Variants in MICU1 observed in about 807,000 individuals in gnomAD.
MICU1 encodes mitochondrial calcium uptake 1.
MICU1 carries 45 observed loss-of-function variants against 56.8 expected under a neutral mutation model. The ratio of observed to expected loss-of-function variants is 0.79; its 90% CI spans 0.62 to 1.02. MICU1 has a LOEUF of 1.02. Among genes scored for constraint, MICU1 ranks in the 50% least tolerant of loss-of-function variants. MICU1 has a pLI of 0.00. For missense variants in MICU1, 504 were observed against 587.1 expected (o/e 0.86, Z 1.46); for synonymous variants, 186 against 195.1 (o/e 0.95, Z 0.39).
intron 2 of MICU1, among the ~76,000 whole-genome samples, chr10:72,563,631 A>AAC (rs750504317): frequency 1.3e-5 from 2 of 152,208 alleles, no homozygotes; most frequent in Non-Finnish European, 2.9e-5. Context: ...GCAAGATGAA[A>AAC]ACGTTCTGGA....
intron 2 of MICU1, among the ~76,000 whole-genome samples, chr10:72,566,042 T>TTC (rs2132474175): frequency 1.4e-5 from 2 of 138,360 alleles, no homozygotes; most frequent in African/African-American, 5.5e-5. Context: ...TCATTTTCTT[T>TTC]TTTTTTTTTT....
At chr10:72,526,253 T>C (rs990932949) in intron 5 of MICU1, among the ~76,000 whole-genome samples, 8 of 152,208 alleles carry the variant, frequency 5.3e-5, no homozygotes, top group Non-Finnish European at 1.2e-4. Flanking sequence ...TGTGAAAGGA[T>C]ATGAAATGTT....
chr10:72,444,871 G>C lies in MICU1; in HGVS notation c.934-21500C>G, dbSNP rs1190075578. On this transcript the variant is annotated intron_variant, in intron 8 of 11. Coordinates refer to ENST00000361114, the MANE Select transcript of MICU1 (RefSeq NM_001195518.2). ...CGTTAGAAAGTCACCTACCCATTCT[G>C]TATTAATCATCTAACAGGAGCACAA... 2.6e-5 allele frequency among the ~76,000 whole-genome samples: 4 copies of C among 152,158 alleles called. 1 individual carries two copies. Among genetic ancestry groups the C allele is most frequent in the Non-Finnish European group, 5.9e-5 (4 of 68,038 alleles).
At chr10:72,580,208 T>C (rs1295732635) in intron 1 of MICU1, among the ~76,000 whole-genome samples, 2 of 152,148 alleles carry the variant, frequency 1.3e-5, no homozygotes, top group Non-Finnish European at 2.9e-5. Context: ...TTCTTCATTG[T>C]AAAAAGTGGG....
intron 10 of MICU1, among the ~76,000 whole-genome samples, chr10:72,396,232 A>G (rs1346284455): frequency 1.3e-5 from 2 of 152,258 alleles, no homozygotes; most frequent in Non-Finnish European, 2.9e-5. Flanking sequence ...AGAAAGGAAT[A>G]GCATCAACAT....
chr10:72,405,149 T>A (rs1863585428), intron 10 of MICU1, among the ~76,000 whole-genome samples: 2 of 152,160 alleles, frequency 1.3e-5, no homozygotes, highest in South Asian at 4.1e-4. Context: ...TCTCAGGTGA[T>A]CTGCCCGTCT....
chr10:72,550,478 A>C (rs1446241280), intron 4 of MICU1, among the ~76,000 whole-genome samples: 3 of 152,224 alleles, frequency 2.0e-5, no homozygotes, highest in African/African-American at 7.2e-5. Flanking sequence ...GTGACGGTAC[A>C]ATCAATTCTT....
At chr10:72,372,323 G>T (rs909236271) in intron 11 of MICU1, among the ~76,000 whole-genome samples, 1 of 151,838 alleles carries the variant, frequency 6.6e-6, no homozygotes, top group African/African-American at 2.4e-5. Flanking sequence ...AGCTATGATC[G>T]CACCACCACA....
At position 72,368,267 on chromosome 10, in the gene MICU1, G is replaced by A; in HGVS notation, c.1359C>T (p.Phe453=). The part of the protein sequence containing the change: ...RGLEKPKDMG[F]TRLMQAMWKC... ...TCCACATGGCCTGCATGAGGCGAGT[G>A]AAACCCATGTCTTTGGGCTTTTCCA... Residue 453 remains phenylalanine (F), a synonymous_variant, in exon 12 of 12, where the codon TTC becomes TTT. Transcript: ENST00000361114. 6.2e-7 allele frequency: 1 copy of A among 1,614,010 alleles called. No homozygotes were observed.
At chr10:72,446,488 G>A (rs760313450) in intron 8 of MICU1, among the ~76,000 whole-genome samples, 3 of 151,922 alleles carry the variant, frequency 2.0e-5, no homozygotes, top group Non-Finnish European at 4.4e-5. Context: ...CCGCTACCAT[G>A]CCTGGCTAAT....
At position 72,538,754 on chromosome 10, in the gene MICU1, T is replaced by C. The variant is rs535730339; in HGVS notation, c.494-4965A>G. Among the ~76,000 whole-genome samples the C allele has an allele frequency of 4.6e-5, 7 of 152,112 alleles. No individual in the cohort carries two copies. In the South Asian group the frequency reaches 1.2e-3, roughly 27 times the overall value. On this transcript the variant is annotated intron_variant, in intron 4 of 11. Coordinates refer to ENST00000361114, the MANE Select transcript of MICU1 (RefSeq NM_001195518.2). Reference sequence around the variant, plus strand: ...TAATAAAGTCCTTACATATCAATAATAACAGTGACTATAAATGGTCTAAAT... The same window carrying C: ...TAATAAAGTCCTTACATATCAATAACAACAGTGACTATAAATGGTCTAAAT...
chr10:72,470,297 C>T (rs1027657498), intron 8 of MICU1, among the ~76,000 whole-genome samples: 3 of 152,194 alleles, frequency 2.0e-5, no homozygotes, highest in Non-Finnish European at 2.9e-5. Context: ...ACAGTACTGA[C>T]TGATGAAATT....
intron 10 of MICU1, among the ~76,000 whole-genome samples, chr10:72,382,496 C>T (rs1191309587): frequency 6.6e-6 from 1 of 152,096 alleles, no homozygotes; most frequent in Non-Finnish European, 1.5e-5. Flanking sequence ...TGTTTGAATA[C>T]AGTATTAAAA....
intron 7 of MICU1, chr10:72,475,977 A>T: frequency 2.3e-6 from 1 of 441,736 alleles, no homozygotes; most frequent in Non-Finnish European, 4.5e-6. Context: ...CTATAATCCC[A>T]GCACTTTGGG....
intron 1 of MICU1, among the ~76,000 whole-genome samples, chr10:72,580,473 AATTT>A (rs67035378): frequency 0.57 from 86,209 of 149,964 alleles, 25,847 homozygotes; most frequent in Non-Finnish European, 0.65. Context: ...TTAATTAATT[AATTT>A]ATTTATTTAT....
chr10:72,377,267 C>T (rs112432544), intron 10 of MICU1, among the ~76,000 whole-genome samples: 5,780 of 152,104 alleles, frequency 0.038, 365 homozygotes, highest in African/African-American at 0.13. Context: ...CTACTGGTGC[C>T]TGCCATCACG....
At position 72,569,227 on chromosome 10, in the gene MICU1, A is replaced by ATTTTTTTTT. The variant is rs1457174727; in HGVS notation, c.-1-2434_-1-2433insAAAAAAAAA. Among the ~76,000 whole-genome samples, 22 of 40,586 alleles carry ATTTTTTTTT rather than the reference A, an allele frequency of 5.4e-4. 1 individual carries two copies. Among genetic ancestry groups the ATTTTTTTTT allele is most frequent in the African/African-American group, 2.4e-3 (22 of 9,226 alleles). 26.6% of individuals were successfully genotyped at this position (40,586 alleles called of 152,430 possible). On this transcript the variant is annotated intron_variant, in intron 1 of 11. Transcript: ENST00000361114. ...TATGCATATATATATATATATATAT[A>ATTTTTTTTT]TATATATATATTTTTTTTTTTTTTT...
chr10:72,571,082 G>A (rs1316170672), intron 1 of MICU1, among the ~76,000 whole-genome samples: 2 of 152,210 alleles, frequency 1.3e-5, no homozygotes, highest in African/African-American at 4.8e-5. Context: ...AGTTGGAACA[G>A]GATGAGTGCA....
intron 8 of MICU1, among the ~76,000 whole-genome samples, chr10:72,472,866 G>A (rs756484301): frequency 9.2e-5 from 14 of 152,192 alleles, no homozygotes; most frequent in Non-Finnish European, 1.6e-4. Flanking sequence ...TTGGGAGGCC[G>A]AGGTGGGCAG....
Sources: allele counts gnomAD v4.1 joint callset (sites outside exome capture counted in the v4.1 genomes callset), GRCh38; gene constraint gnomAD v4.1.1; transcripts MANE v1.5; gene names NCBI Gene and HGNC (gene_info 2026-07-23, HGNC 2026-07-21).